The following ANO5 variants were observed in gnomAD, a reference collection of about 807,000 sequenced individuals.
The protein encoded by ANO5 is anoctamin-5.
A neutral mutation model predicts 121.0 loss-of-function variants in ANO5; 109 were observed. The observed-to-expected ratio is 0.90, with a 90% CI of 0.77 to 1.06. The LOEUF (loss-of-function observed/expected upper bound fraction) is 1.06. Ranked by LOEUF, ANO5 falls within the 50% of genes least tolerant of loss-of-function variation. The pLI is 0.00. For missense variants in ANO5, 1,064 were observed against 1,078.5 expected (o/e 0.99, Z 0.19); for synonymous variants, 406 against 359.9 (o/e 1.13, Z -1.45).
intron 1 of ANO5, among the ~76,000 whole-genome samples, chr11:22,194,947 T>C (rs895610165): frequency 1.3e-5 from 2 of 152,226 alleles, no homozygotes; most frequent in Non-Finnish European, 2.9e-5. Flanking sequence ...CTCGGGTATA[T>C]ATCTAGGAGT....
rs531361980 is a variant in ANO5, at chr11:22,218,826, G to A, written c.180+539G>A. ...AATCATCTCTCCTCGGACTCTCAAA[G>A]TGCTGGGATTACAGGCATAAACCAC... On this transcript the variant is annotated intron_variant, in intron 4 of 21. Transcript: ENST00000324559. Among the ~76,000 whole-genome samples the A allele has an allele frequency of 3.2e-4, 48 of 152,086 alleles. No individual in the cohort carries two copies. In the South Asian group the frequency reaches 9.1e-3, roughly 29 times the overall value.
rs1185168774 is a variant in ANO5 at position 22,239,693 on chromosome 11, C to G, written c.878+9C>G. On this transcript the variant is annotated intron_variant, in intron 9 of 21. Coordinates refer to ENST00000324559, the MANE Select transcript of ANO5 (RefSeq NM_213599.3). ...CCTTTAGACTTGATTAAGTAAGTTTCATACACAGGATCAGACCAATTAAAA... is the reference window on the plus strand; with the variant it reads ...CCTTTAGACTTGATTAAGTAAGTTTGATACACAGGATCAGACCAATTAAAA... 1 of 1,562,370 alleles carries G rather than the reference C, an allele frequency of 6.4e-7. No individual in the cohort carries two copies. The highest frequency in any genetic ancestry group is 8.8e-7 in the Non-Finnish European group (1 of 1,133,478).
intron 7 of ANO5, among the ~76,000 whole-genome samples, chr11:22,232,852 T>G (rs536452972): frequency 6.6e-6 from 1 of 152,004 alleles, no homozygotes; most frequent in Non-Finnish European, 1.5e-5. Context: ...CTCCATCTGT[T>G]TTTGTGTCAG....
intron 9 of ANO5, among the ~76,000 whole-genome samples, chr11:22,247,203 C>T (rs1163710358): frequency 6.6e-6 from 1 of 151,658 alleles, no homozygotes; most frequent in East Asian, 2.0e-4. Flanking sequence ...AAGAATATCT[C>T]AGGCAAAGAG....
In ANO5 at chr11:22,193,522, G is replaced by A; in HGVS notation, c.30G>A (p.Leu10=). The part of the protein sequence containing the change: MGDPDLLEV[L]AEEGEKVNKH... Reference sequence around the variant, plus strand: ...GCGACCCGGATCTCCTGGAAGTGTTGGCGGAGGAAGGTAGGACCGCGCCAA... The same window carrying A: ...GCGACCCGGATCTCCTGGAAGTGTTAGCGGAGGAAGGTAGGACCGCGCCAA... Residue 10 remains leucine, a synonymous_variant, in exon 1 of 22, where the codon TTG becomes TTA. Coordinates refer to ENST00000324559, the MANE Select transcript of ANO5 (RefSeq NM_213599.3). The A allele has an allele frequency of 6.8e-6, 11 of 1,612,984 alleles. No individual in the cohort carries two copies. The highest frequency in any genetic ancestry group is 9.3e-6 in the Non-Finnish European group (11 of 1,179,734).
chr11:22,248,523 C>G (rs1853697311), intron 9 of ANO5, among the ~76,000 whole-genome samples: 1 of 152,034 alleles, frequency 6.6e-6, no homozygotes, highest in East Asian at 1.9e-4. Flanking sequence ...CTCCTGCTTT[C>G]TGAGATCCTG....
At chr11:22,197,794 A>G (rs1269592653) in intron 1 of ANO5, among the ~76,000 whole-genome samples, 1 of 152,128 alleles carries the variant, frequency 6.6e-6, no homozygotes, top group Non-Finnish European at 1.5e-5. Context: ...GATTCTCCAC[A>G]GTGATTGGTA....
intron 5 of ANO5, among the ~76,000 whole-genome samples, chr11:22,222,179 G>T (rs2133592615): frequency 6.6e-6 from 1 of 151,968 alleles, no homozygotes; most frequent in East Asian, 1.9e-4. Flanking sequence ...TCCTTCACTT[G>T]TCCCTGAAAT....
Position 22,259,578 on chromosome 11 carries a change from T to G in ANO5, c.1467T>G (p.Ala489=). 1 of 1,614,186 alleles carries G rather than the reference T, an allele frequency of 6.2e-7. No individual in the cohort carries two copies. The highest frequency in any genetic ancestry group is 8.5e-7 in the Non-Finnish European group (1 of 1,180,022). ...TTGTGTACCGCCTGTCAGTCTTTGC[T>G]ACATTTGCTAGTTTCATGGAAAGTG... ...AVIVYRLSVF[A]TFASFMESDA... The change falls in exon 15 of 22, where the codon GCT becomes GCG. Residue 489 remains alanine, a synonymous_variant. Coordinates refer to ENST00000324559, the MANE Select transcript of ANO5 (RefSeq NM_213599.3).
In ANO5 at chr11:22,236,096, A is replaced by T. The variant is rs562803838; in HGVS notation, c.649-67A>T. ...TCAAAGTAGACATTGTTAAATTGTG[A>T]TTGAAAGAAATGTGGAAAGCATAAA... On this transcript the variant is annotated intron_variant, in intron 7 of 21. Transcript: ENST00000324559. 1.8e-4 allele frequency: 190 copies of T among 1,034,700 alleles called. 2 individuals are homozygous for T. The South Asian group carries it at 2.4e-3, about 13-fold the overall frequency. The allele number at this position is 1,034,700 out of a possible 1,614,324, so 64.1% of individuals were successfully genotyped here. A position where few individuals can be genotyped will look rare whatever the true frequency, so the allele number is the denominator to read the frequency against.
At chr11:22,230,388 G>T (rs1014060010) in intron 7 of ANO5, among the ~76,000 whole-genome samples, 2 of 151,878 alleles carry the variant, frequency 1.3e-5, no homozygotes, top group Non-Finnish European at 2.9e-5. Flanking sequence ...ATTTTCCATT[G>T]CACTAATAAT....
intron 8 of ANO5, among the ~76,000 whole-genome samples, chr11:22,238,464 C>T (rs1207644230): frequency 6.6e-6 from 1 of 152,078 alleles, no homozygotes; most frequent in Non-Finnish European, 1.5e-5. Context: ...ACTGAGCTAT[C>T]ACTGGAGATA....
At chr11:22,221,250 G>T in intron 5 of ANO5, 40 bp downstream of exon 5, 3 of 1,471,416 alleles carry the variant, frequency 2.0e-6, no homozygotes, top group Non-Finnish European at 2.8e-6. Flanking sequence ...ATAAAAAGAA[G>T]CACATTTTAT....
chr11:22,194,044 A>G (rs540489003), intron 1 of ANO5, among the ~76,000 whole-genome samples: 1 of 152,328 alleles, frequency 6.6e-6, no homozygotes, highest in East Asian at 1.9e-4. Context: ...TAGGAGTAGC[A>G]GATCCTAAAA....
intron 7 of ANO5, among the ~76,000 whole-genome samples, chr11:22,235,212 T>C (rs1853174766): frequency 6.6e-6 from 1 of 152,122 alleles, no homozygotes; most frequent in African/African-American, 2.4e-5. Context: ...TAATACATCT[T>C]AATACCTGGT....
In ANO5 at chr11:22,274,848, T is replaced by C. The variant is rs567070525; in HGVS notation, c.2414+101T>C. The C allele has an allele frequency of 2.2e-5, 30 of 1,393,154 alleles. No individual in the cohort carries two copies. The East Asian group carries it at 6.9e-4, about 32-fold the overall frequency. 86.3% of individuals were successfully genotyped at this position (1,393,154 alleles called of 1,614,324 possible). On this transcript the variant is annotated intron_variant, in intron 20 of 21. Coordinates refer to ENST00000324559, the MANE Select transcript of ANO5 (RefSeq NM_213599.3). ...TGTCTTACAATATAAAGGATTTTCT[T>C]AGGGCAACAAAAATCCTGTATAAAT...
intron 8 of ANO5, 103 bp downstream of exon 8, chr11:22,236,379 T>G: frequency 1.0e-6 from 1 of 959,600 alleles, no homozygotes; most frequent in Non-Finnish European, 1.6e-6. Context: ...TAGTTTTCTC[T>G]CATGGTGGGA....
Position 22,280,016 on chromosome 11 carries a change from G to C in ANO5, c.*251G>C, listed in dbSNP as rs1855025342. ...TTCTGAGGTGCTGTAAATGACTGTT[G>C]AAAGTGCAGGTAGAATCAGAATACT... On this transcript the variant is annotated 3_prime_UTR_variant, in exon 22 of 22. Coordinates refer to ENST00000324559, the MANE Select transcript of ANO5 (RefSeq NM_213599.3). 4.1e-6 allele frequency: 2 copies of C among 483,598 alleles called. No homozygotes were observed. The highest frequency in any genetic ancestry group is 2.4e-5 in the South Asian group (1 of 40,878). 30.0% of individuals were successfully genotyped at this position (483,598 alleles called of 1,614,324 possible). A position where few individuals can be genotyped will look rare whatever the true frequency, so the allele number is the denominator to read the frequency against.
chr11:22,275,926 T>A (rs1854822798), intron 20 of ANO5, among the ~76,000 whole-genome samples, 168 bp from the exon 21 acceptor site: 1 of 151,866 alleles, frequency 6.6e-6, no homozygotes, highest in Admixed American at 6.6e-5. Context: ...ACCCTGACTT[T>A]ATGTGAACAA....
Sources: gnomAD v4.1 joint callset for allele counts (sites outside exome capture counted in the v4.1 genomes callset) on GRCh38, gnomAD v4.1.1 for gene constraint, MANE v1.5 for transcripts, NCBI Gene and HGNC (gene_info 2026-07-23, HGNC 2026-07-21) for gene names.